Variants in ZMIZ1 observed in about 807,000 individuals in gnomAD.
ZMIZ1 encodes the protein zinc finger MIZ domain-containing protein 1.
In ZMIZ1, 17 loss-of-function variants were observed where a neutral mutation model predicts 113.9. The observed-to-expected ratio is 0.15, with a 90% CI of 0.10 to 0.22. ZMIZ1 has a LOEUF of 0.22. ZMIZ1 is among the 10% of genes least tolerant of loss of function. The probability of loss-of-function intolerance (pLI) is 1.00; values close to 1 mark genes in which losing one functional copy is unlikely to be tolerated. For synonymous variants in ZMIZ1, 607 were observed against 603.1 expected, an observed-to-expected ratio of 1.01 and a Z score of -0.09; for missense variants, 1,059 against 1,477.8, an observed-to-expected ratio of 0.72 and a Z score of 4.65.
At chr10:79,293,814 G>C in intron 12 of ZMIZ1, 161 bp downstream of exon 12, 1 of 1,072,662 alleles carries the variant, frequency 9.3e-7, no homozygotes, top group Non-Finnish European at 1.4e-6. Flanking sequence ...TTTGAGACCT[G>C]GTTCTGCTGT....
In ZMIZ1 at chr10:79,313,599, G is replaced by A. The variant is rs956858221; in HGVS notation, c.*850G>A. 9 of 212,208 alleles carry A rather than the reference G, an allele frequency of 4.2e-5. 1 individual carries two copies. The South Asian group carries it at 5.2e-4, about 12-fold the overall frequency. 13.1% of individuals were successfully genotyped at this position (212,208 alleles called of 1,614,324 possible). On this transcript the variant is annotated 3_prime_UTR_variant, in exon 25 of 25. Transcript: ENST00000334512. ...GTGATTGTGCCCTTGGTTGGGGGGC[G>A]CGGGCATATAACCTGTCAGAAGCAA...
rs992808516 is a variant in ZMIZ1, at chr10:79,296,786, C to T, written c.1413+133C>T. The T allele has an allele frequency of 1.8e-5, 16 of 881,188 alleles. No homozygotes were observed. The highest frequency in any genetic ancestry group is 7.3e-5 in the South Asian group (3 of 41,178). The allele number at this position is 881,188 out of a possible 1,614,324, so 54.6% of individuals were successfully genotyped here. On this transcript the variant is annotated intron_variant, in intron 13 of 24. Transcript: ENST00000334512. The surrounding 1 kb of genome is among the most constrained non-coding windows in gnomAD (Gnocchi z 4.1). The stretch of plus-strand genomic sequence containing the variant: ...CAGCGAGGGGTGGGTGATTTCTGAA[C>T]GTCCCCATGTGTTCAGGGCGAAGTT...
In ZMIZ1 at chr10:79,299,159, G is replaced by A. The variant is rs774825215; in HGVS notation, c.1776G>A (p.Leu592=). The change falls in exon 16 of 25, where the codon CTG becomes CTA. Residue 592 remains leucine (L), a synonymous_variant. Transcript: ENST00000334512. ...CGGTCAGCAACCATGTGTTCCACCTGCGGCCCACGGTCCACCAGACGCTGA... is the reference window on the plus strand; with the variant it reads ...CGGTCAGCAACCATGTGTTCCACCTACGGCCCACGGTCCACCAGACGCTGA... ...NLAVSNHVFH[L]RPTVHQTLMW... 22 of 1,609,112 alleles carry A rather than the reference G, an allele frequency of 1.4e-5. 1 individual carries two copies. In the South Asian group the frequency reaches 2.3e-4, roughly 17 times the overall value.
At chr10:79,169,179 C>T (rs528911315) in intron 4 of ZMIZ1, among the ~76,000 whole-genome samples, 9 of 152,212 alleles carry the variant, frequency 5.9e-5, no homozygotes, top group Non-Finnish European at 8.8e-5. Flanking sequence ...TGGCATGAGA[C>T]GGCCCTCGCC....
intron 8 of ZMIZ1, among the ~76,000 whole-genome samples, chr10:79,287,997 G>A (rs1004762736): frequency 2.6e-5 from 4 of 152,220 alleles, no homozygotes; most frequent in African/African-American, 9.6e-5. Context: ...TTTTTTATAC[G>A]AGGAGGGCGG....
intron 4 of ZMIZ1, among the ~76,000 whole-genome samples, chr10:79,188,701 C>A (rs1280134965): frequency 2.0e-5 from 3 of 151,624 alleles, no homozygotes; most frequent in Non-Finnish European, 4.4e-5. Context: ...TCTCCTCCAG[C>A]CTCTCCACCC....
At chr10:79,103,437 A>G (rs1300208772) in intron 1 of ZMIZ1, among the ~76,000 whole-genome samples, 1 of 150,424 alleles carries the variant, frequency 6.6e-6, no homozygotes, top group Non-Finnish European at 1.5e-5. Flanking sequence ...GCACGCGGGG[A>G]GGGTGAACGG....
chr10:79,211,281 C>T (rs533690602), intron 6 of ZMIZ1, among the ~76,000 whole-genome samples: 1 of 152,258 alleles, frequency 6.6e-6, no homozygotes, highest in South Asian at 2.1e-4. Flanking sequence ...CCAGGCTGGT[C>T]CCACAGACTC....
intron 23 of ZMIZ1, among the ~76,000 whole-genome samples, chr10:79,309,016 C>T (rs951425883): frequency 1.3e-5 from 2 of 152,166 alleles, no homozygotes; most frequent in African/African-American, 2.4e-5. Flanking sequence ...CACTAGAGGG[C>T]AAGCAGACCT....
intron 7 of ZMIZ1, among the ~76,000 whole-genome samples, chr10:79,259,394 A>T (rs933545572): frequency 6.6e-6 from 1 of 151,880 alleles, no homozygotes; most frequent in African/African-American, 2.4e-5. Flanking sequence ...GAGGAGCCCA[A>T]CTCCCCAGAA....
chr10:79,214,127 G>T (rs559583122), intron 6 of ZMIZ1, among the ~76,000 whole-genome samples: 90 of 152,282 alleles, frequency 5.9e-4, no homozygotes, highest in Non-Finnish European at 6.6e-4. Flanking sequence ...CTCTCTGGAG[G>T]AGAGTCTGCC....
At chr10:79,102,803 C>G (rs763439664) in intron 1 of ZMIZ1, among the ~76,000 whole-genome samples, 8 of 152,202 alleles carry the variant, frequency 5.3e-5, no homozygotes, top group Non-Finnish European at 1.0e-4. Context: ...ACCTGGCTGG[C>G]AGGGAGTTGA....
intron 4 of ZMIZ1, among the ~76,000 whole-genome samples, chr10:79,173,227 C>T (rs906146321): frequency 1.3e-5 from 2 of 152,302 alleles, no homozygotes; most frequent in Non-Finnish European, 2.9e-5. Context: ...TGGCTCAGGA[C>T]GACTTTGAAT....
intron 7 of ZMIZ1, among the ~76,000 whole-genome samples, chr10:79,226,885 A>T (rs1849220246): frequency 6.6e-6 from 1 of 152,194 alleles, no homozygotes; most frequent in Admixed American, 6.5e-5. Context: ...TTAGGAAAAG[A>T]TCTGATTCCT....
intron 4 of ZMIZ1, among the ~76,000 whole-genome samples, chr10:79,162,864 TA>T (rs1846172908): frequency 6.6e-6 from 1 of 152,052 alleles, no homozygotes; most frequent in African/African-American, 2.4e-5. Context: ...CCCCGCCTGA[TA>T]AGGGGGGCAG....
At chr10:79,305,492 G>T (rs751001017) in intron 20 of ZMIZ1, 41 bp from the exon 21 acceptor site, 14 of 1,608,880 alleles carry the variant, frequency 8.7e-6, no homozygotes, top group African/African-American at 4.0e-5. Flanking sequence ...TACCTCCTTG[G>T]GTCCTGGAGC....
At chr10:79,311,292 G>T in intron 24 of ZMIZ1, 108 bp downstream of exon 24, 2 of 1,348,706 alleles carry the variant, frequency 1.5e-6, no homozygotes, top group Non-Finnish European at 2.0e-6. Context: ...GGAGGAGGTG[G>T]GTGGGCGGTG....
chr10:79,307,615 G>T lies in ZMIZ1; in HGVS notation c.2835+44G>T, dbSNP rs762557111. The T allele has an allele frequency of 2.5e-6, 4 of 1,588,678 alleles. No homozygotes were observed. The African/African-American group carries it at 5.5e-5, about 22-fold the overall frequency. On this transcript the variant is annotated intron_variant, in intron 23 of 24. Coordinates refer to ENST00000334512, the MANE Select transcript of ZMIZ1 (RefSeq NM_020338.4). ...CCCCATTCCATTCCCCAGCCTTTGG[G>T]GTTGATGCCTTGGGATCTGGATACC...
chr10:79,195,442 A>G (rs1396491897), intron 4 of ZMIZ1, among the ~76,000 whole-genome samples: 3 of 152,216 alleles, frequency 2.0e-5, no homozygotes, highest in African/African-American at 4.8e-5. Context: ...GGCTGAGGCC[A>G]CGGGTGCACC....
Sources: gnomAD v4.1 joint callset for allele counts (sites outside exome capture counted in the v4.1 genomes callset) on GRCh38, gnomAD v4.1.1 for gene constraint, Gnocchi (gnomAD v3.1) non-coding constraint, MANE v1.5 for transcripts, NCBI Gene and HGNC (gene_info 2026-07-23, HGNC 2026-07-21) for gene names.